Variants in KCNIP2 observed in about 807,000 individuals in gnomAD.
KCNIP2 encodes A-type potassium channel modulatory protein KCNIP2.
A neutral mutation model predicts 39.0 loss-of-function variants in KCNIP2; 19 were observed. That is an observed-to-expected ratio of 0.49 (90% CI 0.34 to 0.71). The LOEUF is 0.71. KCNIP2 is among the 30% of genes least tolerant of loss of function. KCNIP2 has a pLI of 0.01. For synonymous variants in KCNIP2, 111 were observed against 131.2 expected, an observed-to-expected ratio of 0.85 and a Z score of 1.05; for missense variants, 261 against 346.0, an observed-to-expected ratio of 0.75 and a Z score of 1.95.
Position 101,843,379 on chromosome 10 carries a change from G to C in KCNIP2, c.73+117C>G. On this transcript the variant is annotated intron_variant, in intron 1 of 9. Transcript: ENST00000356640. The surrounding 1 kb of genome is among the most constrained non-coding windows in gnomAD (Gnocchi z 6.7). Reference sequence around the variant, plus strand: ...GTCCTGCCGCCCAGACCGGCCATAAGAGTGCCTGGGAATGGGGCAGAGTGT... The same window carrying C: ...GTCCTGCCGCCCAGACCGGCCATAACAGTGCCTGGGAATGGGGCAGAGTGT... 1.7e-6 allele frequency: 1 copy of C among 581,922 alleles called. No individual in the cohort carries two copies. The highest frequency in any genetic ancestry group is 2.7e-6 in the Non-Finnish European group (1 of 370,118). 36.0% of individuals were successfully genotyped at this position (581,922 alleles called of 1,614,324 possible).
chr10:101,841,361 C>G (rs2066333662), intron 1 of KCNIP2, among the ~76,000 whole-genome samples: 3 of 152,228 alleles, frequency 2.0e-5, no homozygotes. Flanking sequence ...CTTCATGCTT[C>G]AGCTTAGGCA....
chr10:101,839,945 G>A lies in KCNIP2; in HGVS notation c.73+3551C>T, dbSNP rs2066276751. ...CCGCGTGGGCGGCGCGGGAGGGCCG[G>A]CCCGGCAGGCATAGGATCGAAACCC... On this transcript the variant is annotated intron_variant, in intron 1 of 9. Coordinates refer to ENST00000356640, the MANE Select transcript of KCNIP2 (RefSeq NM_173191.3). The A allele has an allele frequency of 5.6e-6, 6 of 1,079,744 alleles. No individual in the cohort carries two copies. The Admixed American group carries it at 1.5e-4, about 27-fold the overall frequency. 66.9% of individuals were successfully genotyped at this position (1,079,744 alleles called of 1,614,324 possible). A position where few individuals can be genotyped will look rare whatever the true frequency, so the allele number is the denominator to read the frequency against.
intron 3 of KCNIP2, chr10:101,829,493 C>T (rs1474084803): frequency 4.2e-6 from 2 of 479,196 alleles, no homozygotes; most frequent in South Asian, 3.1e-5. Context: ...CCAGCCGCAT[C>T]TTCGTTTTAG....
rs1294870115 is a variant in KCNIP2 at position 101,843,081 on chromosome 10, A to G, written c.73+415T>C. Among the ~76,000 whole-genome samples, 3 of 152,184 alleles carry G rather than the reference A, an allele frequency of 2.0e-5. No homozygotes were observed. The highest frequency in any genetic ancestry group is 7.2e-5 in the African/African-American group (3 of 41,428). On this transcript the variant is annotated intron_variant, in intron 1 of 9. Coordinates refer to ENST00000356640, the MANE Select transcript of KCNIP2 (RefSeq NM_173191.3). This position sits in a 1 kb window ranked among gnomAD's most constrained non-coding sequence, Gnocchi z 6.7. ...ACAACCAGGGTCCTACGCAAACTCAAACATCTGACGAGACCATACAATTGC... is the reference window on the plus strand; with the variant it reads ...ACAACCAGGGTCCTACGCAAACTCAGACATCTGACGAGACCATACAATTGC...
chr10:101,842,763 G>A (rs1330124148), intron 1 of KCNIP2, among the ~76,000 whole-genome samples: 2 of 152,166 alleles, frequency 1.3e-5, no homozygotes, highest in Non-Finnish European at 1.5e-5. Context: ...AGCCAGAGAG[G>A]CAGCAGGGAT....
At chr10:101,840,022 C>A in intron 1 of KCNIP2, 1 of 316,754 alleles carries the variant, frequency 3.2e-6, no homozygotes, top group East Asian at 5.0e-5. Flanking sequence ...ACCCTGGCCC[C>A]ATCATGTGAA....
At chr10:101,830,402 G>A (rs752253144) in intron 2 of KCNIP2, 3 of 1,284,618 alleles carry the variant, frequency 2.3e-6, no homozygotes, top group Admixed American at 2.5e-5. Flanking sequence ...GGGGGCGGCC[G>A]CACGGAGTTG....
At chr10:101,833,947 C>T (rs1336548336) in intron 1 of KCNIP2, among the ~76,000 whole-genome samples, 2 of 152,024 alleles carry the variant, frequency 1.3e-5, no homozygotes, top group Non-Finnish European at 2.9e-5. Context: ...TATCTCCAGA[C>T]CCCTCCTGGT....
chr10:101,831,171 G>A lies in KCNIP2; in HGVS notation c.74-4C>T. 1 of 1,597,392 alleles carries A rather than the reference G, an allele frequency of 6.3e-7. No homozygotes were observed. The highest frequency in any genetic ancestry group is 8.5e-7 in the Non-Finnish European group (1 of 1,171,838). On this transcript the variant is annotated splice_polypyrimidine_tract_variant and splice_region_variant and intron_variant, in intron 1 of 9. Transcript: ENST00000356640. ...TTAGTGGGCCCTGGAGGGTGGCCTGGGAAGAGAGAAGACCCCAGGAAGGCA... is the reference window on the plus strand; with the variant it reads ...TTAGTGGGCCCTGGAGGGTGGCCTGAGAAGAGAGAAGACCCCAGGAAGGCA...
rs561180535 is a variant in KCNIP2, at chr10:101,827,084, A to G, written c.*269T>C. The G allele has an allele frequency of 1.6e-5, 10 of 615,112 alleles. No individual in the cohort carries two copies. The highest frequency in any genetic ancestry group is 2.3e-5 in the Non-Finnish European group (10 of 426,496). The allele number at this position is 615,112 out of a possible 1,614,324, so 38.1% of individuals were successfully genotyped here. A position where few individuals can be genotyped will look rare whatever the true frequency, so the allele number is the denominator to read the frequency against. On this transcript the variant is annotated 3_prime_UTR_variant, in exon 10 of 10. Transcript: ENST00000356640. ...GGAGGTGGGGAACCGCTCAATTCCT[A>G]CAGGAGGGGCACTCTCAACACTGGG... is the stretch of plus-strand genomic sequence containing the variant.
At chr10:101,836,769 T>G (rs1179945611) in intron 1 of KCNIP2, among the ~76,000 whole-genome samples, 3 of 151,982 alleles carry the variant, frequency 2.0e-5, no homozygotes, top group Non-Finnish European at 1.5e-5. Flanking sequence ...GAGACCAGCC[T>G]GGCCAAAATG....
chr10:101,830,011 C>T, intron 2 of KCNIP2, 114 bp from the exon 3 acceptor site: 1 of 1,220,064 alleles, frequency 8.2e-7, no homozygotes, highest in Non-Finnish European at 1.2e-6. Context: ...AAAGGCACAC[C>T]CAACCAGCAC....
At chr10:101,829,329 T>A in intron 3 of KCNIP2, 130 bp from the exon 4 acceptor site, 1 of 1,236,180 alleles carries the variant, frequency 8.1e-7, no homozygotes, top group Non-Finnish European at 1.1e-6. Context: ...GCCAGTTCCC[T>A]GGGCCCCGAG....
In KCNIP2 at chr10:101,843,505, G is replaced by T; in HGVS notation, c.64C>A (p.Gln22Lys). The T allele has an allele frequency of 6.3e-7, 1 of 1,579,008 alleles. No homozygotes were observed. The highest frequency in any genetic ancestry group is 1.4e-5 in the African/African-American group (1 of 72,380). Residue 22 changes from glutamine (Q) to lysine (K), a missense_variant, in exon 1 of 10, where the codon CAG becomes AAG. Coordinates refer to ENST00000356640, the MANE Select transcript of KCNIP2 (RefSeq NM_173191.3). This position sits in a 1 kb window ranked among gnomAD's most constrained non-coding sequence, Gnocchi z 6.7. ...DSRDLDGSYD[Q>K]LTGHPPGPTK... ...CACGTCACTGACTCACCCGTGAGCT[G>T]GTCGTAGGAGCCGTCCAGGTCTCGG...
chr10:101,839,808 C>G (rs559630841), intron 1 of KCNIP2: 1 of 1,610,310 alleles, frequency 6.2e-7, no homozygotes, highest in East Asian at 2.3e-5. Context: ...CCTGCCCCAG[C>G]GGGCTCCGGC....
intron 1 of KCNIP2, chr10:101,834,233 C>T (rs2066078733): frequency 2.5e-6 from 1 of 399,170 alleles, no homozygotes; most frequent in African/African-American, 2.1e-5. Context: ...CCCCACCAGC[C>T]AGCAGCTCAG....
At chr10:101,836,923 T>C (rs1209663282) in intron 1 of KCNIP2, among the ~76,000 whole-genome samples, 1 of 151,190 alleles carries the variant, frequency 6.6e-6, no homozygotes, top group Non-Finnish European at 1.5e-5. Flanking sequence ...ATCACGCCAC[T>C]GCACTCCAGC....
intron 2 of KCNIP2, among the ~76,000 whole-genome samples, 191 bp downstream of exon 2, chr10:101,830,881 C>T (rs933651370): frequency 6.6e-6 from 1 of 150,922 alleles, no homozygotes; most frequent in African/African-American, 2.4e-5. Context: ...CGCACATGCA[C>T]ACACATACAC....
intron 2 of KCNIP2, among the ~76,000 whole-genome samples, chr10:101,830,780 ACGCGCGCGGGCCTGGGGCACGCCCTC>A (rs2065957272): frequency 1.5e-5 from 2 of 132,070 alleles, no homozygotes; most frequent in South Asian, 2.5e-4. Context: ...ACACACACAC[ACGCGCGCGGGCCTGGGGCACGCCCTC>A]CACACACATG....
Sources: gnomAD v4.1 joint callset for allele counts (sites outside exome capture counted in the v4.1 genomes callset) on GRCh38, gnomAD v4.1.1 for gene constraint, Gnocchi (gnomAD v3.1) non-coding constraint, MANE v1.5 for transcripts, NCBI Gene and HGNC (gene_info 2026-07-23, HGNC 2026-07-21) for gene names.